The following MCHR2 variants were observed in gnomAD, a reference collection of about 807,000 sequenced individuals.
MCHR2 encodes the protein melanin concentrating hormone receptor 2.
A neutral mutation model predicts 24.8 loss-of-function variants in MCHR2; 15 were observed. The observed-to-expected ratio is 0.60, with a 90% CI of 0.40 to 0.93. The LOEUF (loss-of-function observed/expected upper bound fraction) is 0.93, where lower values mean the gene tolerates loss of function less well. Among genes scored for constraint, MCHR2 ranks in the 40% least tolerant of loss-of-function variants. MCHR2 has a pLI of 0.00. For missense variants in MCHR2, 386 were observed against 408.7 expected, an observed-to-expected ratio of 0.94 and a Z score of 0.48; for synonymous variants, 151 against 147.6, an observed-to-expected ratio of 1.02 and a Z score of -0.17.
intron 1 of MCHR2, among the ~76,000 whole-genome samples, chr6:99,986,810 C>T (rs141238162): frequency 6.6e-6 from 1 of 151,002 alleles, no homozygotes; most frequent in East Asian, 1.9e-4. Context: ...ATATTATATA[C>T]ATGGACCCTT....
chr6:99,931,936 C>T (rs146777844), intron 5 of MCHR2, among the ~76,000 whole-genome samples: 116 of 152,292 alleles, frequency 7.6e-4, no homozygotes, highest in African/African-American at 2.5e-3. Context: ...GCGTCGCTCA[C>T]GCTGGGAGCT....
intron 1 of MCHR2, among the ~76,000 whole-genome samples, chr6:99,961,059 G>A (rs1259443684): frequency 6.6e-6 from 1 of 151,958 alleles, no homozygotes; most frequent in African/African-American, 2.4e-5. Flanking sequence ...TAGAATGGAA[G>A]AAAAATTTTG....
chr6:99,971,101 A>G (rs923086840), intron 1 of MCHR2, among the ~76,000 whole-genome samples: 13 of 152,150 alleles, frequency 8.5e-5, no homozygotes, highest in Non-Finnish European at 1.8e-4. Flanking sequence ...CTGTGAAGAA[A>G]GTCATTGGTA....
intron 1 of MCHR2, among the ~76,000 whole-genome samples, chr6:99,961,356 G>A (rs1003290966): frequency 1.6e-4 from 25 of 151,952 alleles, no homozygotes; most frequent in Admixed American, 5.9e-4. Flanking sequence ...CCCATTACTG[G>A]TTATACACCC....
At chr6:99,988,901 A>G (rs952877328) in intron 1 of MCHR2, among the ~76,000 whole-genome samples, 8 of 152,162 alleles carry the variant, frequency 5.3e-5, no homozygotes, top group African/African-American at 1.9e-4. Flanking sequence ...CAGAATGGCC[A>G]TCAGGTAGTA....
intron 1 of MCHR2, among the ~76,000 whole-genome samples, chr6:99,974,885 G>A (rs1775515435): frequency 6.6e-6 from 1 of 152,196 alleles, no homozygotes; most frequent in Non-Finnish European, 1.5e-5. Context: ...CTGTACAACA[G>A]CAGATCTTGG....
rs753739915 is a variant in MCHR2 at position 99,955,977 on chromosome 6, G to A, written c.171C>T (p.Phe57=). Residue 57 remains phenylalanine, a synonymous_variant, in exon 2 of 6, where the codon TTC becomes TTT. Coordinates refer to ENST00000281806, the MANE Select transcript of MCHR2 (RefSeq NM_001040179.2). ...TGLVGNILIV[F]TIIRSRKKTV... is the part of the protein sequence containing the mutation. Reference sequence around the variant, plus strand: ...GAGCCATTCCTTACCTTATTATAGTGAATACAATGAGGATGTTGCCAACCA... The same window carrying A: ...GAGCCATTCCTTACCTTATTATAGTAAATACAATGAGGATGTTGCCAACCA... 5 of 1,594,180 alleles carry A rather than the reference G, an allele frequency of 3.1e-6. No individual in the cohort carries two copies. In the South Asian group the frequency reaches 5.8e-5, roughly 18 times the overall value.
chr6:99,934,993 A>C (rs1209928588), intron 4 of MCHR2, among the ~76,000 whole-genome samples: 1 of 152,066 alleles, frequency 6.6e-6, no homozygotes, highest in East Asian at 1.9e-4. Flanking sequence ...TAACTGGCAG[A>C]GGTAAAATTT....
intron 1 of MCHR2, among the ~76,000 whole-genome samples, chr6:99,960,490 T>A (rs898559947): frequency 6.6e-6 from 1 of 152,144 alleles, no homozygotes; most frequent in African/African-American, 2.4e-5. Flanking sequence ...ACTTCAAAGT[T>A]CATATGGAAC....
intron 2 of MCHR2, among the ~76,000 whole-genome samples, chr6:99,955,360 G>T (rs1358267144): frequency 1.3e-5 from 2 of 152,102 alleles, no homozygotes; most frequent in African/African-American, 2.4e-5. Context: ...GAGATGTGGT[G>T]CCCATGCAGG....
intron 2 of MCHR2, among the ~76,000 whole-genome samples, chr6:99,952,261 C>A (rs1049655683): frequency 3.9e-5 from 6 of 152,044 alleles, no homozygotes; most frequent in African/African-American, 1.4e-4. Context: ...GATGATCAGG[C>A]CTCATTATTT....
chr6:99,936,869 G>A (rs1370552962), intron 4 of MCHR2, among the ~76,000 whole-genome samples: 1 of 151,402 alleles, frequency 6.6e-6, no homozygotes, highest in African/African-American at 2.4e-5. Context: ...AGGTATTTAT[G>A]TACGTGTGTA....
chr6:99,980,868 T>C (rs763582859), intron 1 of MCHR2, among the ~76,000 whole-genome samples: 1 of 152,178 alleles, frequency 6.6e-6, no homozygotes, highest in African/African-American at 2.4e-5. Context: ...AGAAAAGATA[T>C]ATCCATTCAG....
At chr6:99,933,020 A>G (rs1331744323) in intron 5 of MCHR2, among the ~76,000 whole-genome samples, 1 of 152,096 alleles carries the variant, frequency 6.6e-6, no homozygotes, top group Non-Finnish European at 1.5e-5. Flanking sequence ...TATCTCTACT[A>G]TCTACTTTTT....
At chr6:99,984,114 T>C (rs991922351) in intron 1 of MCHR2, among the ~76,000 whole-genome samples, 5 of 152,188 alleles carry the variant, frequency 3.3e-5, no homozygotes, top group South Asian at 2.1e-4. Context: ...AAGTATTTCA[T>C]ATTTTGTCTT....
At chr6:99,992,663 C>A (rs929058395) in intron 1 of MCHR2, among the ~76,000 whole-genome samples, 2 of 152,112 alleles carry the variant, frequency 1.3e-5, no homozygotes. Flanking sequence ...GTACTTTATT[C>A]CCCAGGCTTG....
intron 1 of MCHR2, among the ~76,000 whole-genome samples, chr6:99,973,972 T>G (rs1177804125): frequency 6.6e-6 from 1 of 152,200 alleles, no homozygotes; most frequent in African/African-American, 2.4e-5. Flanking sequence ...ACCCGACCTT[T>G]CTTTCTGGCT....
chr6:99,941,065 T>C (rs1774760751), intron 4 of MCHR2, among the ~76,000 whole-genome samples: 2 of 152,006 alleles, frequency 1.3e-5, no homozygotes, highest in Non-Finnish European at 2.9e-5. Flanking sequence ...GAGACAGGTA[T>C]TTTGTCAGGG....
intron 1 of MCHR2, among the ~76,000 whole-genome samples, chr6:99,965,352 T>A (rs189994019): frequency 6.6e-6 from 1 of 152,188 alleles, no homozygotes; most frequent in Non-Finnish European, 1.5e-5. Context: ...TTCTGTTATA[T>A]GAAAATTTAA....
Sources: gnomAD v4.1 joint callset for allele counts (sites outside exome capture counted in the v4.1 genomes callset) on GRCh38, gnomAD v4.1.1 for gene constraint, MANE v1.5 for transcripts, NCBI Gene and HGNC (gene_info 2026-07-23, HGNC 2026-07-21) for gene names.